RAF1: variants seen among roughly 807,000 people sequenced by gnomAD.
RAF1 encodes the protein RAF proto-oncogene serine/threonine-protein kinase.
Under a neutral mutation model 81.1 loss-of-function variants are expected in RAF1, and 27 were observed. The observed-to-expected ratio is 0.33, with a 90% confidence interval of 0.25 to 0.46. The LOEUF (loss-of-function observed/expected upper bound fraction) is 0.46. Among genes scored for constraint, RAF1 ranks in the 20% least tolerant of loss-of-function variants. The pLI is 1.00. For synonymous variants in RAF1, 298 were observed against 294.0 expected, an observed-to-expected ratio of 1.01 and a Z score of -0.14; for missense variants, 598 against 826.0, an observed-to-expected ratio of 0.72 and a Z score of 3.38.
chr3:12,620,818 C>A (rs545413489), intron 1 of RAF1, among the ~76,000 whole-genome samples: 1 of 152,204 alleles, frequency 6.6e-6, no homozygotes, highest in East Asian at 1.9e-4. Context: ...CCCAAGAACA[C>A]CCCAGCAGTG....
intron 1 of RAF1, among the ~76,000 whole-genome samples, chr3:12,620,990 T>TA (rs963331496): frequency 1.3e-5 from 2 of 152,046 alleles, no homozygotes; most frequent in African/African-American, 4.8e-5. Flanking sequence ...GTAAGGGGGG[T>TA]AGGGTTTCCT....
At chr3:12,594,730 T>G (rs188809785) in intron 11 of RAF1, among the ~76,000 whole-genome samples, 24 of 152,326 alleles carry the variant, frequency 1.6e-4, no homozygotes, top group African/African-American at 4.6e-4. Flanking sequence ...CCTAGCCAGT[T>G]GAACTCTTCT....
intron 1 of RAF1, among the ~76,000 whole-genome samples, chr3:12,644,063 T>G (rs1463805713): frequency 2.0e-5 from 3 of 152,154 alleles, no homozygotes; most frequent in Admixed American, 6.6e-5. Context: ...GTTTTGCTGG[T>G]TTTTTTCAGT....
At chr3:12,635,702 G>A (rs1187121412) in intron 1 of RAF1, among the ~76,000 whole-genome samples, 7 of 150,494 alleles carry the variant, frequency 4.7e-5, no homozygotes, top group Admixed American at 2.0e-4. Flanking sequence ...GGCTGGGCGC[G>A]GTGGCTCACG....
At chr3:12,646,371 G>T (rs2060348115) in intron 1 of RAF1, among the ~76,000 whole-genome samples, 1 of 151,664 alleles carries the variant, frequency 6.6e-6, no homozygotes, top group Non-Finnish European at 1.5e-5. Flanking sequence ...GATATTACCG[G>T]TTTCTTTTAA....
At chr3:12,635,032 G>A (rs1023266786) in intron 1 of RAF1, among the ~76,000 whole-genome samples, 1 of 152,076 alleles carries the variant, frequency 6.6e-6, no homozygotes, top group Non-Finnish European at 1.5e-5. Context: ...ACTTCTTTAA[G>A]ACTTTCTACT....
intron 1 of RAF1, among the ~76,000 whole-genome samples, chr3:12,644,745 A>T (rs971229678): frequency 6.6e-6 from 1 of 152,182 alleles, no homozygotes; most frequent in Non-Finnish European, 1.5e-5. Context: ...CAATCATTAT[A>T]ATCAGGCACT....
intron 14 of RAF1, among the ~76,000 whole-genome samples, chr3:12,586,579 C>G (rs2058340592): frequency 6.6e-6 from 1 of 152,110 alleles, no homozygotes; most frequent in African/African-American, 2.4e-5. Flanking sequence ...AGACATGTAC[C>G]TAAAATAGGC....
intron 10 of RAF1, 88 bp from the exon 10 acceptor site, chr3:12,599,896 C>G (rs1467118963): frequency 8.2e-7 from 1 of 1,215,510 alleles, no homozygotes; most frequent in Non-Finnish European, 1.2e-6. Flanking sequence ...CCCATGTCAT[C>G]TGTTTCCATA....
intron 1 of RAF1, among the ~76,000 whole-genome samples, chr3:12,630,086 T>A (rs1460626962): frequency 1.3e-5 from 2 of 152,174 alleles, no homozygotes; most frequent in African/African-American, 2.4e-5. Flanking sequence ...CCTGGCCTAA[T>A]TATATTTTTA....
intron 6 of RAF1, among the ~76,000 whole-genome samples, chr3:12,605,817 C>A (rs1011102876): frequency 1.3e-5 from 2 of 152,210 alleles, no homozygotes; most frequent in Admixed American, 6.5e-5. Flanking sequence ...GCATCGGCCA[C>A]AACATGCATT....
At chr3:12,617,460 C>T (rs5746188) in intron 2 of RAF1, among the ~76,000 whole-genome samples, 2 of 152,194 alleles carry the variant, frequency 1.3e-5, no homozygotes, top group South Asian at 4.1e-4. Flanking sequence ...TGCCACGTTG[C>T]CCGACTGGTC....
rs5746186 is a variant in RAF1 at position 12,618,140 on chromosome 3, T to C, written c.207+375A>G. Reference sequence around the variant, plus strand: ...CTTTCTTCTTTATACTTGATTGTAATAGTCAAAAAGCTTTAGGTGAATATT... The same window carrying C: ...CTTTCTTCTTTATACTTGATTGTAACAGTCAAAAAGCTTTAGGTGAATATT... On this transcript the variant is annotated intron_variant, in intron 2 of 17. Transcript: ENST00000442415. Among the ~76,000 whole-genome samples the C allele has an allele frequency of 2.6e-5, 4 of 152,278 alleles. No homozygotes were observed. In the South Asian group the frequency reaches 8.3e-4, roughly 32 times the overall value.
intron 8 of RAF1, among the ~76,000 whole-genome samples, chr3:12,601,400 T>C (rs2058857673): frequency 1.3e-5 from 2 of 152,208 alleles, no homozygotes; most frequent in South Asian, 4.1e-4. Flanking sequence ...AGGCTATCTT[T>C]AGAATTTATT....
chr3:12,597,533 C>G (rs189405550), intron 11 of RAF1, among the ~76,000 whole-genome samples: 25 of 152,274 alleles, frequency 1.6e-4, no homozygotes, highest in Admixed American at 1.4e-3. Flanking sequence ...CTACTAGCAG[C>G]CTTGTTATCT....
intron 1 of RAF1, among the ~76,000 whole-genome samples, chr3:12,638,417 T>C (rs750457104): frequency 6.6e-6 from 1 of 152,192 alleles, no homozygotes; most frequent in Admixed American, 6.6e-5. Flanking sequence ...GGCAGTCAGC[T>C]AAGGAGCAGC....
At chr3:12,617,061 A>G (rs916140540) in intron 2 of RAF1, among the ~76,000 whole-genome samples, 3 of 151,946 alleles carry the variant, frequency 2.0e-5, no homozygotes, top group Non-Finnish European at 4.4e-5. Context: ...CAGCCTCCCG[A>G]GTACCGAGTA....
chr3:12,632,273 G>A (rs746342571), intron 1 of RAF1, among the ~76,000 whole-genome samples: 10 of 146,710 alleles, frequency 6.8e-5, no homozygotes, highest in African/African-American at 1.8e-4. Flanking sequence ...GCAGTGAGCC[G>A]AGATTGCACC....
At chr3:12,626,761 C>T (rs2059715275) in intron 1 of RAF1, among the ~76,000 whole-genome samples, 1 of 151,810 alleles carries the variant, frequency 6.6e-6, no homozygotes, top group Non-Finnish European at 1.5e-5. Flanking sequence ...GGGTGGCTCA[C>T]GCCTGTAATC....
Sources: gnomAD v4.1 joint callset for allele counts (sites outside exome capture counted in the v4.1 genomes callset) on GRCh38, gnomAD v4.1.1 for gene constraint, MANE v1.5 for transcripts, NCBI Gene and HGNC (gene_info 2026-07-23, HGNC 2026-07-21) for gene names.